Variants in SLC2A2 observed in about 807,000 individuals in gnomAD.
SLC2A2 encodes the protein solute carrier family 2, facilitated glucose transporter member 2.
In SLC2A2, 36 loss-of-function variants were observed where a neutral mutation model predicts 54.5. The ratio of observed to expected loss-of-function variants is 0.66; its 90% CI spans 0.51 to 0.87. The LOEUF (loss-of-function observed/expected upper bound fraction) is 0.87. SLC2A2 is among the 40% of genes least tolerant of loss of function. The pLI is 0.00. For missense variants in SLC2A2, 543 were observed against 624.3 expected (o/e 0.87, Z 1.39); for synonymous variants, 223 against 219.1 (o/e 1.02, Z -0.16).
chr3:171,006,465 A>G (rs1715609594), intron 5 of SLC2A2, among the ~76,000 whole-genome samples: 2 of 152,194 alleles, frequency 1.3e-5, no homozygotes, highest in South Asian at 2.1e-4. Context: ...TCTCCAGGCA[A>G]CCAGATAGAA....
chr3:170,997,934 AT>A lies in SLC2A2; in HGVS notation c.1543del (p.Met515Ter), dbSNP rs1560031087. 6.2e-7 allele frequency: 1 copy of A among 1,613,284 alleles called. No homozygotes were observed. Reference protein sequence around the residue: ...SAHRPKAAVEMKFLGATETV With the variant: ...SAHRPKAAVEXKFLGATETV ...AGTCTCTGTAGCTCCTAGGAATTTC[AT>A]TTCTACAGCAGCTTTTGGCCTGTGG... On this transcript the variant is annotated frameshift_variant, in exon 11 of 11. Coordinates refer to ENST00000314251, the MANE Select transcript of SLC2A2 (RefSeq NM_000340.2). LOFTEE classifies it high-confidence loss of function.
Position 171,007,281 on chromosome 3 carries a change from A to G in SLC2A2, c.497-18T>C, listed in dbSNP as rs746096379. On this transcript the variant is annotated intron_variant, in intron 4 of 10. Coordinates refer to ENST00000314251, the MANE Select transcript of SLC2A2 (RefSeq NM_000340.2). Reference sequence around the variant, plus strand: ...AATTAGCCCTGCATGAAACATAAACATAAATGTTAAAGTGCAACCAGGACT... The same window carrying G: ...AATTAGCCCTGCATGAAACATAAACGTAAATGTTAAAGTGCAACCAGGACT... 6.8e-7 allele frequency: 1 copy of G among 1,468,112 alleles called. No homozygotes were observed. The highest frequency in any genetic ancestry group is 9.5e-7 in the Non-Finnish European group (1 of 1,047,928). The allele number at this position is 1,468,112 out of a possible 1,614,324, so 90.9% of individuals were successfully genotyped here.
At chr3:171,018,103 T>C (rs1448485141) in intron 2 of SLC2A2, among the ~76,000 whole-genome samples, 2 of 152,192 alleles carry the variant, frequency 1.3e-5, no homozygotes, top group Non-Finnish European at 2.9e-5. Flanking sequence ...TATGTTAAAG[T>C]ACCTGATGCA....
chr3:171,018,525 A>T lies in SLC2A2; in HGVS notation c.108+6T>A. On this transcript the variant is annotated splice_donor_region_variant and intron_variant, in intron 2 of 10. Transcript: ENST00000314251. ...CAAAAAGAGAACTTCTACATATTTC[A>T]CTTGCCTGTTGAGGTGCATTGATCA... is the stretch of plus-strand genomic sequence containing the variant. 1.3e-6 allele frequency: 2 copies of T among 1,589,684 alleles called. No individual in the cohort carries two copies. Among genetic ancestry groups the T allele is most frequent in the Non-Finnish European group, 1.7e-6 (2 of 1,157,652 alleles).
rs1716326705 is a variant in SLC2A2, at chr3:171,019,125, GTATGTA to G, written c.16-508_16-503del. ...TATATATATATATATATATATATAC[GTATGTA>G]TATATATATATATATATATATATAC... On this transcript the variant is annotated intron_variant, in intron 1 of 10. Transcript: ENST00000314251. 6.4e-3 allele frequency among the ~76,000 whole-genome samples: 32 copies of G among 4,964 alleles called. 1 individual carries two copies. The highest frequency in any genetic ancestry group is 9.6e-3 in the East Asian group (1 of 104). 3.3% of individuals were successfully genotyped at this position (4,964 alleles called of 152,430 possible). A position where few individuals can be genotyped will look rare whatever the true frequency, so the allele number is the denominator to read the frequency against.
chr3:170,999,006 A>AG lies in SLC2A2; in HGVS notation c.1170+58dup, dbSNP rs1715221650. 3.8e-6 allele frequency: 4 copies of AG among 1,059,274 alleles called. No individual in the cohort carries two copies. The Admixed American group carries it at 6.8e-5, about 18-fold the overall frequency. The allele number at this position is 1,059,274 out of a possible 1,614,324, so 65.6% of individuals were successfully genotyped here. A position where few individuals can be genotyped will look rare whatever the true frequency, so the allele number is the denominator to read the frequency against. On this transcript the variant is annotated intron_variant, in intron 9 of 10. Transcript: ENST00000314251. ...TACAAAGCACTTTAACCTGGACCAC[A>AG]GAGGTGCCAGGTACCATCATATGTT...
In SLC2A2 at chr3:171,018,541, G is replaced by A; in HGVS notation, c.98C>T (p.Ala33Val). The A allele has an allele frequency of 6.2e-7, 1 of 1,606,370 alleles. No homozygotes were observed. Among genetic ancestry groups the A allele is most frequent in the Non-Finnish European group, 8.5e-7 (1 of 1,172,908 alleles). The change falls in exon 2 of 11, where the codon GCA becomes GTA. Residue 33 changes from alanine to valine, a missense_variant. This residue lies in a region of SLC2A2 where 318 missense variants were observed against 343.8 expected (regional missense o/e 0.93). Coordinates refer to ENST00000314251, the MANE Select transcript of SLC2A2 (RefSeq NM_000340.2). ...ACATATTTCACTTGCCTGTTGAGGT[G>A]CATTGATCACACCAATGTCATATCC... The part of the protein sequence containing the change: ...QFGYDIGVIN[A>V]PQQVIISHYR...
chr3:171,023,602 A>T lies in SLC2A2; in HGVS notation c.15+3054T>A, dbSNP rs562485674. On this transcript the variant is annotated intron_variant, in intron 1 of 10. Transcript: ENST00000314251. ...ATGTCCAAGAAGTTGACACAAGAAG[A>T]AGTACATAAGTGCTACTGAAAATAG... 8.5e-5 allele frequency among the ~76,000 whole-genome samples: 13 copies of T among 152,322 alleles called. No homozygotes were observed. The East Asian group carries it at 2.5e-3, about 29-fold the overall frequency.
Position 170,999,072 on chromosome 3 carries a change from A to C in SLC2A2, c.1163T>G (p.Val388Gly), listed in dbSNP as rs1199637811. Residue 388 changes from valine (V) to glycine (G), a missense_variant, in exon 9 of 11, where the codon GTG becomes GGG. Physicochemically the swap from Val to Gly is moderately radical, Grantham distance 109. This residue lies in a region of SLC2A2 where 117 missense variants were observed against 179.2 expected (regional missense o/e 0.65). Transcript: ENST00000314251. ...TGCAGGCACCAAACTTACCAGCAGCACAAGTCCCACTGACATGAAGATGGC... is the reference window on the plus strand; with the variant it reads ...TGCAGGCACCAAACTTACCAGCAGCCCAAGTCCCACTGACATGAAGATGGC... ...VCAIFMSVGL[V>G]LLNKFSWMSY... is the part of the protein sequence containing the mutation. 1 of 1,610,198 alleles carries C rather than the reference A, an allele frequency of 6.2e-7. No homozygotes were observed. The highest frequency in any genetic ancestry group is 8.5e-7 in the Non-Finnish European group (1 of 1,176,728).
chr3:170,998,798 G>A (rs61791070), intron 9 of SLC2A2, among the ~76,000 whole-genome samples: 17 of 152,112 alleles, frequency 1.1e-4, no homozygotes, highest in Non-Finnish European at 2.5e-4. Context: ...CCCAGTTGGC[G>A]GTGAATCCAG....
chr3:171,017,117 G>T (rs1395277408), intron 2 of SLC2A2, among the ~76,000 whole-genome samples: 1 of 152,130 alleles, frequency 6.6e-6, no homozygotes, highest in African/African-American at 2.4e-5. Flanking sequence ...CTCCCAAAGT[G>T]CTGGGATTAC....
rs1715089426 is a variant in SLC2A2 at position 170,996,612 on chromosome 3, T to C, written c.*1291A>G. 1 of 397,926 alleles carries C rather than the reference T, an allele frequency of 2.5e-6. No homozygotes were observed. The highest frequency in any genetic ancestry group is 1.3e-4 in the South Asian group (1 of 7,858). The allele number at this position is 397,926 out of a possible 1,614,324, so 24.6% of individuals were successfully genotyped here. A position where few individuals can be genotyped will look rare whatever the true frequency, so the allele number is the denominator to read the frequency against. ...GAACTATATTTCCATAATTGTAAAA[T>C]TGACTGTAAGCTAAAGTCTGTTTAA... On this transcript the variant is annotated 3_prime_UTR_variant, in exon 11 of 11. Transcript: ENST00000314251.
In SLC2A2 at chr3:171,014,676, G is replaced by T; in HGVS notation, c.164C>A (p.Ala55Asp). 1 of 1,613,998 alleles carries T rather than the reference G, an allele frequency of 6.2e-7. No individual in the cohort carries two copies. Among genetic ancestry groups the T allele is most frequent in the Admixed American group, 1.7e-5 (1 of 60,020 alleles). Residue 55 changes from alanine (A) to aspartate (D), a missense_variant, in exon 3 of 11, where the codon GCT becomes GAT. Transcript: ENST00000314251. ...VLGVPLDDRKAINNYVINSTD... is the reference protein window; with the variant it reads ...VLGVPLDDRKDINNYVINSTD... ...ACTGTTGATAACATAGTTGTTGATA[G>T]CTTTTCGGTCATCCAGTGGAACACC...
At chr3:171,018,817 C>G (rs559648955) in intron 1 of SLC2A2, among the ~76,000 whole-genome samples, 194 bp from the exon 2 acceptor site, 5 of 152,136 alleles carry the variant, frequency 3.3e-5, no homozygotes, top group African/African-American at 1.2e-4. Flanking sequence ...CATCATTTCC[C>G]CTATGCTGCT....
At chr3:171,020,184 T>G (rs1286958798) in intron 1 of SLC2A2, among the ~76,000 whole-genome samples, 5 of 152,074 alleles carry the variant, frequency 3.3e-5, no homozygotes, top group Non-Finnish European at 7.4e-5. Flanking sequence ...GTATAAAGAA[T>G]AGCAAATTAG....
chr3:171,004,650 A>G (rs1235114959), intron 7 of SLC2A2, among the ~76,000 whole-genome samples: 2 of 151,606 alleles, frequency 1.3e-5, no homozygotes, highest in Admixed American at 6.6e-5. Flanking sequence ...CTAGTAGTCA[A>G]TTGTCAGTAG....
chr3:171,019,767 T>C (rs1716365298), intron 1 of SLC2A2, among the ~76,000 whole-genome samples: 1 of 152,246 alleles, frequency 6.6e-6, no homozygotes. Flanking sequence ...TGTAATCTAA[T>C]GTTTTTAAAG....
chr3:171,000,081 A>G (rs1263824374), intron 8 of SLC2A2, among the ~76,000 whole-genome samples: 3 of 152,056 alleles, frequency 2.0e-5, no homozygotes, highest in Non-Finnish European at 2.9e-5. Flanking sequence ...CAGTAAATCA[A>G]TAGCAATCCA....
intron 2 of SLC2A2, 95 bp downstream of exon 2, chr3:171,018,436 C>A (rs1432830807): frequency 1.1e-6 from 1 of 902,618 alleles, no homozygotes; most frequent in Non-Finnish European, 1.9e-6. Context: ...TTGTGTCTCC[C>A]ACGTGGACAC....
Sources: gnomAD v4.1 joint callset for allele counts (sites outside exome capture counted in the v4.1 genomes callset) on GRCh38, gnomAD v4.1.1 for gene constraint, gnomAD v4.1.1 regional missense constraint, MANE v1.5 for transcripts, NCBI Gene and HGNC (gene_info 2026-07-23, HGNC 2026-07-21) for gene names.